Variants in ADGRG5 observed in about 807,000 individuals in gnomAD.
ADGRG5 encodes the protein G protein-coupled receptor 114.
Under a neutral mutation model 53.2 loss-of-function variants are expected in ADGRG5, and 37 were observed. The ratio of observed to expected loss-of-function variants is 0.70; its 90% confidence interval spans 0.53 to 0.91. The LOEUF (loss-of-function observed/expected upper bound fraction) is 0.91. Ranked by LOEUF, ADGRG5 falls within the 40% of genes least tolerant of loss-of-function variation. ADGRG5 has a pLI of 0.00. For missense variants in ADGRG5, 614 were observed against 675.8 expected, an observed-to-expected ratio of 0.91 and a Z score of 1.01; for synonymous variants, 277 against 290.4, an observed-to-expected ratio of 0.95 and a Z score of 0.47.
chr16:57,560,911 G>T (rs1405060046), intron 1 of ADGRG5, among the ~76,000 whole-genome samples: 1 of 152,130 alleles, frequency 6.6e-6, no homozygotes, highest in African/African-American at 2.4e-5. Context: ...TGAGTAGCTG[G>T]AGACACAAGT....
At chr16:57,555,809 C>G (rs1470972924) in intron 1 of ADGRG5, among the ~76,000 whole-genome samples, 2 of 152,154 alleles carry the variant, frequency 1.3e-5, no homozygotes, top group African/African-American at 4.8e-5. Flanking sequence ...CCATGCAAAT[C>G]TCATGTTGAA....
chr16:57,563,207 G>A lies in ADGRG5; in HGVS notation c.257G>A (p.Gly86Asp), dbSNP rs1293301163. Residue 86 changes from glycine (G) to aspartate (D), a missense_variant, in exon 4 of 12, where the codon GGC becomes GAC. By Grantham distance (94) the Gly-to-Asp change is moderately conservative. Coordinates refer to ENST00000349457, the MANE Select transcript of ADGRG5 (RefSeq NM_001304376.3). ...LAFKLSCDFS[G>D]LSLTSATLKR... ...TTCAAGCTGAGCTGTGACTTCTCTG[G>A]CCTCTCGCTGACCAGTGCCACTCTG... The A allele has an allele frequency of 6.2e-7, 1 of 1,614,110 alleles. No individual in the cohort carries two copies. The highest frequency in any genetic ancestry group is 8.5e-7 in the Non-Finnish European group (1 of 1,180,016).
At chr16:57,532,891 C>T in the ADGRG5 span, among the ~76,000 whole-genome samples, 1 of 152,164 alleles carries the variant, frequency 6.6e-6, no homozygotes, top group African/African-American at 2.4e-5. Context: ...GGTATGGGGG[C>T]CCGGGCCCTG....
At chr16:57,546,601 G>T (rs528945063) in intron 1 of ADGRG5, among the ~76,000 whole-genome samples, 1 of 152,320 alleles carries the variant, frequency 6.6e-6, no homozygotes, top group East Asian at 1.9e-4. Flanking sequence ...TGGCCAGGTA[G>T]AAGTGTCTTT....
Position 57,554,971 on chromosome 16 carries a change from A to AT in ADGRG5, c.-38-7079dup, listed in dbSNP as rs1262710472. ...TATTTAATTTCCAAATATTTGGAGG[A>AT]TTTTTTGAGGCCTCTTTATGTTTTT... On this transcript the variant is annotated intron_variant, in intron 1 of 11. Coordinates refer to ENST00000349457, the MANE Select transcript of ADGRG5 (RefSeq NM_001304376.3). 6.3e-4 allele frequency among the ~76,000 whole-genome samples: 96 copies of AT among 151,700 alleles called. 1 individual carries two copies. Among genetic ancestry groups the AT allele is most frequent in the African/African-American group, 2.2e-3 (90 of 41,352 alleles).
chr16:57,556,998 C>G (rs1157604538), intron 1 of ADGRG5, among the ~76,000 whole-genome samples: 1 of 147,158 alleles, frequency 6.8e-6, no homozygotes, highest in Non-Finnish European at 1.5e-5. Flanking sequence ...CAATCTTGAC[C>G]TCCTGGACTC....
chr16:57,537,629 A>T, the ADGRG5 span, among the ~76,000 whole-genome samples: 3 of 152,232 alleles, frequency 2.0e-5, no homozygotes, highest in Non-Finnish European at 1.5e-5. Flanking sequence ...AAACTCAAGG[A>T]TCACTCTGAA....
chr16:57,564,582 G>C (rs563305046), intron 5 of ADGRG5, among the ~76,000 whole-genome samples: 8 of 152,202 alleles, frequency 5.3e-5, no homozygotes, highest in African/African-American at 1.9e-4. Flanking sequence ...GATTATAGGC[G>C]TGAGCCACTG....
rs773649157 is a variant in ADGRG5, at chr16:57,568,094, T to C, written c.1060T>C (p.Tyr354His). 1 of 1,613,992 alleles carries C rather than the reference T, an allele frequency of 6.2e-7. No homozygotes were observed. Among genetic ancestry groups the C allele is most frequent in the Admixed American group, 1.7e-5 (1 of 60,010 alleles). The stretch of plus-strand genomic sequence containing the variant: ...TGTCTACAACATCTACATCCGCAGA[T>C]ATGTGTTCAAGCTTGGTGTGCTAGG... ...GRVYNIYIRR[Y>H]VFKLGVLGWG... Residue 354 changes from tyrosine (Y) to histidine (H), a missense_variant, in exon 9 of 12, where the codon TAT becomes CAT. Tyr to His is a moderately conservative substitution (Grantham distance 83, BLOSUM62 2). Transcript: ENST00000349457.
chr16:57,562,042 T>A lies in ADGRG5; in HGVS notation c.-38-14T>A, dbSNP rs2033014410. On this transcript the variant is annotated splice_polypyrimidine_tract_variant and intron_variant, in intron 1 of 11. Transcript: ENST00000349457. ...CTCTTTTATCATCATGGTGATGGCA[T>A]GCACCTTTTTCAGGGCCGGAGCCAG... is the stretch of plus-strand genomic sequence containing the variant. The A allele has an allele frequency of 7.0e-7, 1 of 1,437,514 alleles. No individual in the cohort carries two copies. 89.0% of individuals were successfully genotyped at this position (1,437,514 alleles called of 1,614,324 possible).
the ADGRG5 span, among the ~76,000 whole-genome samples, chr16:57,532,679 C>T: frequency 6.7e-6 from 1 of 149,654 alleles, no homozygotes; most frequent in Admixed American, 6.7e-5. Context: ...AGGAGACATG[C>T]TCATCCCCAA....
At chr16:57,548,579 C>T (rs2032673757) in intron 1 of ADGRG5, among the ~76,000 whole-genome samples, 1 of 152,172 alleles carries the variant, frequency 6.6e-6, no homozygotes. Context: ...ACAAGGATCC[C>T]TTGTGCGAGA....
chr16:57,530,900 CCT>C, the ADGRG5 span, among the ~76,000 whole-genome samples: 7 of 151,928 alleles, frequency 4.6e-5, no homozygotes. Flanking sequence ...TTTCCAGTCC[CCT>C]GTGACGGTGT....
chr16:57,543,256 G>A (rs1490547377), intron 1 of ADGRG5: 1 of 144,976 alleles, frequency 6.9e-6, no homozygotes, highest in East Asian at 2.1e-4. Context: ...GGGAAATAGG[G>A]TTACTATAGC....
chr16:57,531,283 C>G, the ADGRG5 span, among the ~76,000 whole-genome samples: 13 of 149,572 alleles, frequency 8.7e-5, no homozygotes, highest in Admixed American at 4.6e-4. Flanking sequence ...CACTTCCTCA[C>G]TCCTTCCAGA....
rs1009819386 is a variant in ADGRG5 at position 57,574,230 on chromosome 16, C to G, written c.1209-585C>G. 4.6e-5 allele frequency among the ~76,000 whole-genome samples: 7 copies of G among 152,228 alleles called. No homozygotes were observed. The highest frequency in any genetic ancestry group is 1.2e-4 in the African/African-American group (5 of 41,452). On this transcript the variant is annotated intron_variant, in intron 10 of 11. Coordinates refer to ENST00000349457, the MANE Select transcript of ADGRG5 (RefSeq NM_001304376.3). This position sits in a 1 kb window ranked among gnomAD's most constrained non-coding sequence, Gnocchi z 4.4. ...GGCTCTCTGCTCAGCCCTCAGTGGG[C>G]TCTCCTGCGGCTCTGTGTGCTCTCA... is the stretch of plus-strand genomic sequence containing the variant.
intron 1 of ADGRG5, among the ~76,000 whole-genome samples, chr16:57,551,951 A>G (rs1485754093): frequency 1.3e-5 from 2 of 152,132 alleles, no homozygotes; most frequent in African/African-American, 4.8e-5. Context: ...AACAACATTG[A>G]TCTCCTTGTG....
At chr16:57,530,786 CT>C in the ADGRG5 span, among the ~76,000 whole-genome samples, 1 of 152,030 alleles carries the variant, frequency 6.6e-6, no homozygotes, top group Admixed American at 6.5e-5. Context: ...CTCCCCTCCC[CT>C]GGCACCTCCC....
At chr16:57,575,307 T>A in intron 11 of ADGRG5, 131 bp from the exon 12 acceptor site, 1 of 960,594 alleles carries the variant, frequency 1.0e-6, no homozygotes, top group Non-Finnish European at 1.6e-6. Context: ...TCTGCCCCTC[T>A]GGCCTCCTAC....
Sources: allele counts gnomAD v4.1 joint callset (sites outside exome capture counted in the v4.1 genomes callset), GRCh38; gene constraint gnomAD v4.1.1; non-coding constraint Gnocchi (gnomAD v3.1); transcripts MANE v1.5; gene names NCBI Gene and HGNC (gene_info 2026-07-23, HGNC 2026-07-21).